The following GPR157 variants were observed in gnomAD, a reference collection of about 807,000 sequenced individuals.
The protein encoded by GPR157 is G-protein coupled receptor 157.
GPR157 carries 16 observed loss-of-function variants against 23.5 expected under a neutral mutation model. That is an observed-to-expected ratio of 0.68 (90% CI 0.46 to 1.04). The LOEUF is 1.04. Ranked by LOEUF, GPR157 falls within the 50% of genes least tolerant of loss-of-function variation. The probability of loss-of-function intolerance (pLI) is 0.00; values close to 1 mark genes in which losing one functional copy is unlikely to be tolerated. For missense variants in GPR157, 440 were observed against 460.7 expected, an observed-to-expected ratio of 0.96 and a Z score of 0.41; for synonymous variants, 200 against 221.5, an observed-to-expected ratio of 0.90 and a Z score of 0.86.
chr1:9,125,894 T>C (rs781766834), intron 1 of GPR157, among the ~76,000 whole-genome samples: 1 of 152,016 alleles, frequency 6.6e-6, no homozygotes, highest in African/African-American at 2.4e-5. Context: ...ACAAAGACTA[T>C]TTCAATTCAC....
At chr1:9,111,145 C>T (rs1475675460) in intron 2 of GPR157, 131 bp downstream of exon 2, 9 of 779,744 alleles carry the variant, frequency 1.2e-5, no homozygotes, top group Non-Finnish European at 2.0e-5. Context: ...TGCCTGGTCC[C>T]CTCTGGCCCA....
chr1:9,111,088 C>A, intron 2 of GPR157, 188 bp downstream of exon 2: 1 of 647,950 alleles, frequency 1.5e-6, no homozygotes, highest in Non-Finnish European at 2.8e-6. Context: ...AACCAATGCA[C>A]GATCCGTGTA....
rs116563540 is a variant in GPR157, at chr1:9,105,224, C to T, written c.792+262G>A. Among the ~76,000 whole-genome samples the T allele has an allele frequency of 6.0e-3, 918 of 152,132 alleles. 5 individuals carry two copies. Among genetic ancestry groups the T allele is most frequent in the Non-Finnish European group, 9.4e-3 (642 of 67,998 alleles). Reference sequence around the variant, plus strand: ...CCAGGTCTTCTTGGCTGGGAAGGACCCAAGATCAGTCAACTCTCCTAGGGC... The same window carrying T: ...CCAGGTCTTCTTGGCTGGGAAGGACTCAAGATCAGTCAACTCTCCTAGGGC... On this transcript the variant is annotated intron_variant, in intron 3 of 3. Transcript: ENST00000377411. This position sits in a 1 kb window ranked among gnomAD's most constrained non-coding sequence, Gnocchi z 4.8.
rs532219355 is a variant in GPR157, at chr1:9,118,729, C to T, written c.384-7240G>A. On this transcript the variant is annotated intron_variant, in intron 1 of 3. Coordinates refer to ENST00000377411, the MANE Select transcript of GPR157 (RefSeq NM_024980.5). This position sits in a 1 kb window ranked among gnomAD's most constrained non-coding sequence, Gnocchi z 4.6. Reference sequence around the variant, plus strand: ...ATCAGAGTGGAACCTAACCTAACAACCTCTGTGGTCATAACTTAAGAGGAA... The same window carrying T: ...ATCAGAGTGGAACCTAACCTAACAATCTCTGTGGTCATAACTTAAGAGGAA... Among the ~76,000 whole-genome samples, 19 of 152,154 alleles carry T rather than the reference C, an allele frequency of 1.2e-4. No homozygotes were observed. The highest frequency in any genetic ancestry group is 3.3e-4 in the Admixed American group (5 of 15,262).
chr1:9,104,676 G>T, intron 3 of GPR157, 42 bp from the exon 4 acceptor site: 1 of 1,464,780 alleles, frequency 6.8e-7, no homozygotes, highest in South Asian at 1.2e-5. Flanking sequence ...GCTGGAGTTG[G>T]TCTCAGAAAC....
Position 9,120,400 on chromosome 1 carries a change from A to G in GPR157, c.383+8245T>C, listed in dbSNP as rs1361639571. On this transcript the variant is annotated intron_variant, in intron 1 of 3. Coordinates refer to ENST00000377411, the MANE Select transcript of GPR157 (RefSeq NM_024980.5). This position sits in a 1 kb window ranked among gnomAD's most constrained non-coding sequence, Gnocchi z 4.1. ...TACCATGAGACCTGGGGATGTTAAC[A>G]TAACTCAGAAAACGCTTTGAGAACC... Among the ~76,000 whole-genome samples the G allele has an allele frequency of 6.6e-6, 1 of 152,226 alleles. No homozygotes were observed. Among genetic ancestry groups the G allele is most frequent in the African/African-American group, 2.4e-5 (1 of 41,470 alleles).
At chr1:9,127,083 A>C (rs1638977518) in intron 1 of GPR157, among the ~76,000 whole-genome samples, 1 of 151,928 alleles carries the variant, frequency 6.6e-6, no homozygotes, top group Non-Finnish European at 1.5e-5. Context: ...ACAAAGCCTC[A>C]CTGTGTTGGC....
At chr1:9,121,440 C>A (rs1638796595) in intron 1 of GPR157, among the ~76,000 whole-genome samples, 1 of 151,826 alleles carries the variant, frequency 6.6e-6, no homozygotes, top group Non-Finnish European at 1.5e-5. Flanking sequence ...GAGTTTGAGA[C>A]CAGCCTGGCC....
At chr1:9,106,610 G>A (rs1383069377) in intron 2 of GPR157, among the ~76,000 whole-genome samples, 2 of 152,190 alleles carry the variant, frequency 1.3e-5, no homozygotes, top group African/African-American at 2.4e-5. Context: ...GGCTCCCCCC[G>A]GCCCTCTTCA....
chr1:9,113,108 A>G (rs913686662), intron 1 of GPR157, among the ~76,000 whole-genome samples: 7 of 152,210 alleles, frequency 4.6e-5, no homozygotes, highest in African/African-American at 1.7e-4. Context: ...GCACAGGGCC[A>G]GGCAGGTGTG....
intron 1 of GPR157, among the ~76,000 whole-genome samples, chr1:9,112,068 C>A (rs1370348226): frequency 2.0e-5 from 3 of 152,210 alleles, no homozygotes; most frequent in Non-Finnish European, 2.9e-5. Context: ...TGAGTCACGT[C>A]CTGCTGTCCC....
chr1:9,113,116 G>A (rs1314638665), intron 1 of GPR157, among the ~76,000 whole-genome samples: 2 of 152,038 alleles, frequency 1.3e-5, no homozygotes, highest in African/African-American at 4.8e-5. Flanking sequence ...CCAGGCAGGT[G>A]TGTGAGTGTT....
Position 9,102,783 on chromosome 1 carries a change from C to G in GPR157, c.*1636G>C, listed in dbSNP as rs551909613. 6.6e-6 allele frequency: 1 copy of G among 152,262 alleles called. No homozygotes were observed. The highest frequency in any genetic ancestry group is 2.1e-4 in the South Asian group (1 of 4,818). The allele number at this position is 152,262 out of a possible 1,614,324, so 9.4% of individuals were successfully genotyped here. A position where few individuals can be genotyped will look rare whatever the true frequency, so the allele number is the denominator to read the frequency against. ...ATAAGACGAAAGCGTTTGTGGAAGA[C>G]CCACAGAATAAAAATAGAGATACAG... On this transcript the variant is annotated 3_prime_UTR_variant, in exon 4 of 4. Coordinates refer to ENST00000377411, the MANE Select transcript of GPR157 (RefSeq NM_024980.5).
chr1:9,116,234 AT>A lies in GPR157; in HGVS notation c.384-4746del, dbSNP rs1638649668. Among the ~76,000 whole-genome samples the A allele has an allele frequency of 1.1e-4, 2 of 17,554 alleles. 1 individual carries two copies. The highest frequency in any genetic ancestry group is 1.1e-3 in the African/African-American group (2 of 1,760). The allele number at this position is 17,554 out of a possible 152,430, so 11.5% of individuals were successfully genotyped here. On this transcript the variant is annotated intron_variant, in intron 1 of 3. Coordinates refer to ENST00000377411, the MANE Select transcript of GPR157 (RefSeq NM_024980.5). ...TTATATATATATTACATATAATATA[AT>A]TATATATATAATTATATATATATTA... is the stretch of plus-strand genomic sequence containing the variant.
chr1:9,115,065 A>T (rs1381669124), intron 1 of GPR157, among the ~76,000 whole-genome samples: 1 of 152,122 alleles, frequency 6.6e-6, no homozygotes, highest in Non-Finnish European at 1.5e-5. Flanking sequence ...AAGAGGTAGA[A>T]TCAGGGAGCC....
At chr1:9,126,278 C>T (rs1332109326) in intron 1 of GPR157, among the ~76,000 whole-genome samples, 1 of 152,094 alleles carries the variant, frequency 6.6e-6, no homozygotes, top group Non-Finnish European at 1.5e-5. Flanking sequence ...TATTTTTTTC[C>T]TTCAAATTAA....
chr1:9,107,539 C>A (rs1638369887), intron 2 of GPR157, among the ~76,000 whole-genome samples: 1 of 152,036 alleles, frequency 6.6e-6, no homozygotes, highest in South Asian at 2.1e-4. Context: ...AGTCCCAGCA[C>A]TTTGGGAGGC....
In GPR157 at chr1:9,104,130, CTG is replaced by C. The variant is rs201258580; in HGVS notation, c.*287_*288del. 4.7e-3 allele frequency: 1,957 copies of C among 416,262 alleles called. 32 individuals are homozygous for C. Among genetic ancestry groups the C allele is most frequent in the African/African-American group, 0.032 (1,592 of 50,456 alleles). The allele number at this position is 416,262 out of a possible 1,614,324, so 25.8% of individuals were successfully genotyped here. A position where few individuals can be genotyped will look rare whatever the true frequency, so the allele number is the denominator to read the frequency against. ...CATCAAGGTCCACTGGGTGGGGGCA[CTG>C]TGGCCACAGCTGTGGGCCACCGGCT... On this transcript the variant is annotated 3_prime_UTR_variant, in exon 4 of 4. Coordinates refer to ENST00000377411, the MANE Select transcript of GPR157 (RefSeq NM_024980.5).
intron 1 of GPR157, among the ~76,000 whole-genome samples, chr1:9,114,040 G>A (rs1407055389): frequency 2.1e-5 from 3 of 144,478 alleles, no homozygotes; most frequent in Non-Finnish European, 3.1e-5. Context: ...CTCATGACAG[G>A]CCAGGCGAGG....
Sources: allele counts gnomAD v4.1 joint callset (sites outside exome capture counted in the v4.1 genomes callset), GRCh38; gene constraint gnomAD v4.1.1; non-coding constraint Gnocchi (gnomAD v3.1); transcripts MANE v1.5; gene names NCBI Gene and HGNC (gene_info 2026-07-23, HGNC 2026-07-21).